RBPJ: variants seen among roughly 807,000 people sequenced by gnomAD.
RBPJ encodes the protein recombining binding protein suppressor of hairless.
In RBPJ, 9 loss-of-function variants were observed where a neutral mutation model predicts 67.8. The ratio of observed to expected loss-of-function variants is 0.13; its 90% CI spans 0.08 to 0.23. RBPJ has a LOEUF of 0.23. Ranked by LOEUF, RBPJ falls within the 10% of genes least tolerant of loss-of-function variation. RBPJ has a pLI of 1.00. For missense variants in RBPJ, 305 were observed against 595.6 expected, an observed-to-expected ratio of 0.51 and a Z score of 5.08; for synonymous variants, 198 against 203.3, an observed-to-expected ratio of 0.97 and a Z score of 0.22.
intron 1 of RBPJ, among the ~76,000 whole-genome samples, chr4:26,227,248 G>C (rs1719106253): frequency 6.6e-6 from 1 of 152,182 alleles, no homozygotes; most frequent in Non-Finnish European, 1.5e-5. Flanking sequence ...CAAAACCTCA[G>C]ACCTTTGGGC....
chr4:26,129,419 G>T, the RBPJ span, among the ~76,000 whole-genome samples: 1 of 152,186 alleles, frequency 6.6e-6, no homozygotes, highest in Non-Finnish European at 1.5e-5. Flanking sequence ...ATTTTCTAAA[G>T]CATGAACATT....
intron 1 of RBPJ, among the ~76,000 whole-genome samples, chr4:26,327,205 A>G (rs985175318): frequency 6.6e-6 from 1 of 152,148 alleles, no homozygotes; most frequent in Admixed American, 6.6e-5. Context: ...TAATGGTCTA[A>G]AAAGGGTAAT....
chr4:26,222,845 A>G (rs1441015307), intron 1 of RBPJ, among the ~76,000 whole-genome samples: 2 of 151,970 alleles, frequency 1.3e-5, no homozygotes, highest in South Asian at 2.1e-4. Flanking sequence ...TGTTTCCTCA[A>G]TAGATTGAGT....
At chr4:26,388,606 T>A (rs2788852) in intron 2 of RBPJ, among the ~76,000 whole-genome samples, 14,082 of 48,456 alleles carry the variant, frequency 0.29, 1,803 homozygotes, top group African/African-American at 0.44. Context: ...ACACACACAC[T>A]CTCTCTCTCT....
At chr4:26,123,569 T>A in the RBPJ span, among the ~76,000 whole-genome samples, 1 of 152,196 alleles carries the variant, frequency 6.6e-6, no homozygotes, top group Non-Finnish European at 1.5e-5. Flanking sequence ...TTTTTTACTT[T>A]ATAAACTTTT....
rs530292554 is a variant in RBPJ, at chr4:26,218,308, G to A, written c.-167+54694G>A. 7.3e-4 allele frequency among the ~76,000 whole-genome samples: 111 copies of A among 152,264 alleles called. 1 individual carries two copies. Among genetic ancestry groups the A allele is most frequent in the Admixed American group, 1.3e-3 (20 of 15,286 alleles). ...TCTCAGTGATGTAACCAAGAGAACC[G>A]AGCAGATGACTATAAAGACAGAAGT... On this transcript the variant is annotated intron_variant, in intron 1 of 4. Transcript: ENST00000512351.
chr4:26,185,035 G>C (rs776003701), intron 1 of RBPJ, among the ~76,000 whole-genome samples: 1 of 151,822 alleles, frequency 6.6e-6, no homozygotes, highest in African/African-American at 2.4e-5. Context: ...CTAGCTACTC[G>C]GGAGGCTGAG....
intron 1 of RBPJ, among the ~76,000 whole-genome samples, chr4:26,303,009 C>A (rs756041779): frequency 4.0e-5 from 6 of 151,490 alleles, no homozygotes; most frequent in African/African-American, 1.5e-4. Context: ...AGTCATACCC[C>A]GTCTCTACTA....
intron 1 of RBPJ, among the ~76,000 whole-genome samples, chr4:26,377,967 A>G (rs574749455): frequency 2.0e-5 from 3 of 152,298 alleles, no homozygotes; most frequent in Middle Eastern, 3.4e-3. Context: ...AATCACGTGT[A>G]GGGTGTGTGG....
At chr4:26,341,834 C>A (rs763715735) in intron 1 of RBPJ, among the ~76,000 whole-genome samples, 3 of 151,996 alleles carry the variant, frequency 2.0e-5, no homozygotes, top group Non-Finnish European at 4.4e-5. Flanking sequence ...ATTGTGGGGT[C>A]CAAAGGAGAA....
upstream of RBPJ, among the ~76,000 whole-genome samples, chr4:26,316,325 A>C (rs1722611136): frequency 6.8e-6 from 1 of 147,430 alleles, no homozygotes; most frequent in Admixed American, 6.8e-5. Context: ...ATACATATTC[A>C]TATATATACA....
chr4:26,322,671 A>G lies in RBPJ; in HGVS notation c.20+1623A>G, dbSNP rs545893349. Among the ~76,000 whole-genome samples the G allele has an allele frequency of 3.0e-4, 34 of 112,982 alleles. 1 individual carries two copies. Among genetic ancestry groups the G allele is most frequent in the African/African-American group, 9.5e-4 (33 of 34,748 alleles). 74.1% of individuals were successfully genotyped at this position (112,982 alleles called of 152,430 possible). A position where few individuals can be genotyped will look rare whatever the true frequency, so the allele number is the denominator to read the frequency against. On this transcript the variant is annotated intron_variant, in intron 1 of 10. Transcript: ENST00000355476. Reference sequence around the variant, plus strand: ...CGTATAATATGTATATTATATATATATATACACACACACACGTAATAGCCT... The same window carrying G: ...CGTATAATATGTATATTATATATATGTATACACACACACACGTAATAGCCT...
At chr4:26,177,945 C>T (rs1716854434) in intron 1 of RBPJ, among the ~76,000 whole-genome samples, 1 of 152,172 alleles carries the variant, frequency 6.6e-6, no homozygotes, top group African/African-American at 2.4e-5. Context: ...CCTAACAAAT[C>T]ATAAACACTT....
At chr4:26,386,461 T>C (rs1164772531) in intron 2 of RBPJ, 70 bp downstream of exon 2, 5 of 1,000,848 alleles carry the variant, frequency 5.0e-6, no homozygotes, top group Non-Finnish European at 7.5e-6. Context: ...GTTTTAGATA[T>C]TATATTAATA....
intron 1 of RBPJ, among the ~76,000 whole-genome samples, chr4:26,183,103 T>G (rs887053806): frequency 2.0e-5 from 3 of 152,104 alleles, no homozygotes; most frequent in African/African-American, 7.3e-5. Context: ...ACAGTCAATT[T>G]ATTATTATCA....
the RBPJ span, among the ~76,000 whole-genome samples, chr4:26,143,388 G>A: frequency 1.3e-5 from 2 of 152,180 alleles, no homozygotes; most frequent in Non-Finnish European, 2.9e-5. Context: ...CTCGCAAAGC[G>A]TAAAAGCCAA....
chr4:26,268,467 A>G (rs1720777997), intron 1 of RBPJ, among the ~76,000 whole-genome samples: 1 of 152,128 alleles, frequency 6.6e-6, no homozygotes, highest in African/African-American at 2.4e-5. Context: ...CTTTTTCTTC[A>G]GGCCCAACCC....
At chr4:26,401,889 T>C in intron 2 of RBPJ, among the ~76,000 whole-genome samples, 1 of 135,482 alleles carries the variant, frequency 7.4e-6, no homozygotes, top group East Asian at 2.0e-4. Context: ...CTTTCTTTCT[T>C]TTTTTTTTTT....
At chr4:26,303,278 A>T (rs945793958) in intron 1 of RBPJ, among the ~76,000 whole-genome samples, 1 of 145,184 alleles carries the variant, frequency 6.9e-6, no homozygotes, top group African/African-American at 2.5e-5. Flanking sequence ...ATCCATATGA[A>T]ATATATATAT....
Sources: gnomAD v4.1 joint callset for allele counts (sites outside exome capture counted in the v4.1 genomes callset) on GRCh38, gnomAD v4.1.1 for gene constraint, MANE v1.5 for transcripts, NCBI Gene and HGNC (gene_info 2026-07-23, HGNC 2026-07-21) for gene names.